The following NFATC2IP variants were observed in gnomAD, a reference collection of about 807,000 sequenced individuals.
NFATC2IP encodes NFATC2-interacting protein.
In NFATC2IP, 25 loss-of-function variants were observed where a neutral mutation model predicts 40.2. The observed-to-expected ratio is 0.62, with a 90% CI of 0.45 to 0.87. The LOEUF (loss-of-function observed/expected upper bound fraction) is 0.87. Ranked by LOEUF, NFATC2IP falls within the 40% of genes least tolerant of loss-of-function variation. The pLI is 0.00. For missense variants in NFATC2IP, 553 were observed against 555.6 expected (o/e 1.00, Z 0.05); for synonymous variants, 241 against 236.3 (o/e 1.02, Z -0.18).
chr16:28,953,527 C>G (rs1964988784), intron 2 of NFATC2IP, among the ~76,000 whole-genome samples: 1 of 152,100 alleles, frequency 6.6e-6, no homozygotes, highest in South Asian at 2.1e-4. Context: ...TAGGACAGTA[C>G]CTAGGACACA....
rs1325009777 is a variant in NFATC2IP at position 28,956,232 on chromosome 16, G to C, written c.741G>C (p.Glu247Asp). 5 of 1,613,904 alleles carry C rather than the reference G, an allele frequency of 3.1e-6. No homozygotes were observed. The highest frequency in any genetic ancestry group is 4.2e-6 in the Non-Finnish European group (5 of 1,179,930). Residue 247 changes from glutamate to aspartate, a missense_variant, in exon 5 of 8, where the codon GAG (glutamate) becomes GAC (aspartate). Transcript: ENST00000320805. Reference sequence around the variant, plus strand: ...AGGGTCAAGAGCAACAGGGCCAAGAGGATGAAGTGGTCTTGGTGGAAGGGC... The same window carrying C: ...AGGGTCAAGAGCAACAGGGCCAAGACGATGAAGTGGTCTTGGTGGAAGGGC... ...PPQGQEQQGQ[E>D]DEVVLVEGPT... is the part of the protein sequence containing the mutation.
chr16:28,958,342 G>A (rs1356288826), intron 5 of NFATC2IP: 2 of 157,076 alleles, frequency 1.3e-5, no homozygotes, highest in East Asian at 1.9e-4. Flanking sequence ...GTTAACAAGA[G>A]CGAAACTCCG....
chr16:28,951,450 C>T (rs1275797089), intron 1 of NFATC2IP, 52 bp downstream of exon 1: 6 of 1,334,790 alleles, frequency 4.5e-6, no homozygotes, highest in South Asian at 4.0e-5. Flanking sequence ...GGCTTGGCCT[C>T]CAGGGAGGGG....
chr16:28,962,361 C>T (rs547867185), intron 7 of NFATC2IP, among the ~76,000 whole-genome samples: 2 of 152,134 alleles, frequency 1.3e-5, no homozygotes, highest in African/African-American at 4.8e-5. Flanking sequence ...CCATAGCTTC[C>T]CTGGGCACCA....
intron 1 of NFATC2IP, 46 bp from the exon 2 acceptor site, chr16:28,952,086 G>T: frequency 6.2e-7 from 1 of 1,607,870 alleles, no homozygotes; most frequent in South Asian, 1.1e-5. Context: ...TCTTTCGGTA[G>T]GGGAAGGACT....
Position 28,952,169 on chromosome 16 carries a change from C to G in NFATC2IP, c.425C>G (p.Ser142Cys). The G allele has an allele frequency of 1.2e-6, 2 of 1,613,882 alleles. No individual in the cohort carries two copies. The highest frequency in any genetic ancestry group is 2.2e-5 in the East Asian group (1 of 44,868). Residue 142 changes from serine to cysteine, a missense_variant, in exon 2 of 8, where the codon TCC (serine) becomes TGC (cysteine). Ser to Cys is a moderately radical substitution (Grantham distance 112). Coordinates refer to ENST00000320805, the MANE Select transcript of NFATC2IP (RefSeq NM_032815.4). ...CTTCGCCTTATCCCAGATGATCTAT[C>G]CCTCCTGAAACTCTACCCTCCAGGG... ...SSLRLIPDDLSLLKLYPPGDE... is the reference protein window; with the variant it reads ...SSLRLIPDDLCLLKLYPPGDE...
intron 7 of NFATC2IP, among the ~76,000 whole-genome samples, chr16:28,961,581 T>A (rs1469299361): frequency 2.0e-5 from 3 of 151,700 alleles, no homozygotes; most frequent in Middle Eastern, 3.2e-3. Context: ...AACTCAGGAT[T>A]TTTTTCTTTT....
intron 2 of NFATC2IP, among the ~76,000 whole-genome samples, chr16:28,953,478 G>A (rs769206215): frequency 3.9e-5 from 6 of 152,178 alleles, no homozygotes; most frequent in Non-Finnish European, 7.3e-5. Context: ...TAACGAAAGG[G>A]AATATAGAGA....
chr16:28,961,196 C>T (rs772841446), intron 7 of NFATC2IP, among the ~76,000 whole-genome samples: 3 of 151,810 alleles, frequency 2.0e-5, no homozygotes, highest in South Asian at 2.1e-4. Flanking sequence ...AGCATGCTGG[C>T]GCAGGCCTAT....
chr16:28,961,940 GTTGCCCA>G, intron 7 of NFATC2IP, among the ~76,000 whole-genome samples: 1 of 144,114 alleles, frequency 6.9e-6, no homozygotes, highest in African/African-American at 2.6e-5. Flanking sequence ...GTCTTGCTCT[GTTGCCCA>G]GGCTGGAGTG....
chr16:28,955,207 A>G (rs1296263102), intron 3 of NFATC2IP, among the ~76,000 whole-genome samples: 2 of 151,286 alleles, frequency 1.3e-5, no homozygotes, highest in Non-Finnish European at 2.9e-5. Context: ...AAAGCAAACA[A>G]ACAGACAGAC....
At chr16:28,959,571 A>AT (rs61432973) in intron 7 of NFATC2IP, among the ~76,000 whole-genome samples, 31,578 of 114,574 alleles carry the variant, frequency 0.28, 5,156 homozygotes, top group Non-Finnish European at 0.36. Flanking sequence ...TGGTGCAGTC[A>AT]TTTTTTTTTT....
chr16:28,962,061 C>T (rs987775009), intron 7 of NFATC2IP, among the ~76,000 whole-genome samples: 9 of 151,868 alleles, frequency 5.9e-5, no homozygotes, highest in African/African-American at 1.9e-4. Flanking sequence ...GTGCCACTAC[C>T]CTTGGCTAAT....
Position 28,951,006 on chromosome 16 carries a change from T to C in NFATC2IP, c.-6T>C, listed in dbSNP as rs1358816023. ...GGCGGGCGTGTGTTGTGGAGGAAAG[T>C]GTGCCATGGCGGAGCCTGTGGGGAA... On this transcript the variant is annotated 5_prime_UTR_variant, in exon 1 of 8. Transcript: ENST00000320805. 2 of 1,497,372 alleles carry C rather than the reference T, an allele frequency of 1.3e-6. No individual in the cohort carries two copies. Among genetic ancestry groups the C allele is most frequent in the East Asian group, 2.5e-5 (1 of 40,744 alleles). The allele number at this position is 1,497,372 out of a possible 1,614,324, so 92.8% of individuals were successfully genotyped here.
intron 5 of NFATC2IP, chr16:28,956,666 T>G (rs1200800734): frequency 2.0e-5 from 5 of 251,390 alleles, no homozygotes; most frequent in Non-Finnish European, 3.8e-5. Flanking sequence ...TGATCGTCCC[T>G]CATTGACCTC....
intron 3 of NFATC2IP, among the ~76,000 whole-genome samples, chr16:28,955,230 C>T (rs1349066376): frequency 6.6e-6 from 1 of 152,044 alleles, no homozygotes; most frequent in East Asian, 1.9e-4. Context: ...AAAATACCCC[C>T]AAACCTGGGG....
chr16:28,959,981 G>GT (rs1200081392), intron 7 of NFATC2IP, among the ~76,000 whole-genome samples: 3 of 152,224 alleles, frequency 2.0e-5, no homozygotes, highest in African/African-American at 7.2e-5. Flanking sequence ...AATTGAAGGT[G>GT]TTGGCAGGGC....
chr16:28,952,742 C>G (rs924320500), intron 2 of NFATC2IP: 1 of 138,126 alleles, frequency 7.2e-6, no homozygotes, highest in Admixed American at 7.3e-5. Flanking sequence ...TCAGTTCTCT[C>G]TTTTTTTTTT....
At chr16:28,962,904 C>A (rs1292907274) in intron 7 of NFATC2IP, among the ~76,000 whole-genome samples, 1 of 152,210 alleles carries the variant, frequency 6.6e-6, no homozygotes, top group African/African-American at 2.4e-5. Flanking sequence ...CAGTCCCAGG[C>A]TGGGTGCGGG....
Sources: gnomAD v4.1 joint callset for allele counts (sites outside exome capture counted in the v4.1 genomes callset) on GRCh38, gnomAD v4.1.1 for gene constraint, MANE v1.5 for transcripts, NCBI Gene and HGNC (gene_info 2026-07-23, HGNC 2026-07-21) for gene names.